PRRC2C: variants seen among roughly 807,000 people sequenced by gnomAD.
PRRC2C encodes the protein protein PRRC2C.
PRRC2C carries 72 observed loss-of-function variants against 317.2 expected under a neutral mutation model. That is an observed-to-expected ratio of 0.23 (90% confidence interval 0.19 to 0.28). The LOEUF is 0.28. Ranked by LOEUF, PRRC2C falls within the 10% of genes least tolerant of loss-of-function variation. The pLI, the probability that PRRC2C is intolerant of heterozygous loss-of-function variation, is 1.00. For synonymous variants in PRRC2C, 1,296 were observed against 1,205.9 expected (o/e 1.07, Z -1.55); for missense variants, 3,074 against 3,459.7 (o/e 0.89, Z 2.80).
At chr1:171,569,602 T>C (rs1362254057) in intron 23 of PRRC2C, among the ~76,000 whole-genome samples, 2 of 43,428 alleles carry the variant, frequency 4.6e-5, no homozygotes, top group Admixed American at 4.6e-4. Flanking sequence ...ATGGTTTTTT[T>C]TTTCTTTTTT....
At position 171,515,452 on chromosome 1, in the gene PRRC2C, A is replaced by C. The variant is rs1477378638; in HGVS notation, c.401-282A>C. Among the ~76,000 whole-genome samples, 3 of 152,358 alleles carry C rather than the reference A, an allele frequency of 2.0e-5. No individual in the cohort carries two copies. The South Asian group carries it at 6.2e-4, about 32-fold the overall frequency. On this transcript the variant is annotated intron_variant, in intron 4 of 34. Transcript: ENST00000647382. ...ATGTGTATTGAAAATGTAAGGAGTC[A>C]TAATGAAAGAGAAACAAGCTCTTCA...
intron 1 of PRRC2C, among the ~76,000 whole-genome samples, chr1:171,508,782 ACTCTTTGGGC>A (rs1299058876): frequency 1.3e-5 from 2 of 151,718 alleles, no homozygotes; most frequent in Non-Finnish European, 2.9e-5. Flanking sequence ...TCAAAGCTTT[ACTCTTTGGGC>A]TGCTTTGATT....
At chr1:171,579,312 T>G in intron 26 of PRRC2C, 42 bp from the exon 27 acceptor site, 1 of 1,539,876 alleles carries the variant, frequency 6.5e-7, no homozygotes, top group Non-Finnish European at 8.8e-7. Flanking sequence ...AATTCTGAAA[T>G]TAGGACACTT....
intron 24 of PRRC2C, among the ~76,000 whole-genome samples, chr1:171,573,103 A>G (rs576170221): frequency 6.6e-6 from 1 of 152,354 alleles, no homozygotes; most frequent in Non-Finnish European, 1.5e-5. Context: ...AAAGTGTATG[A>G]GAAAAAATAT....
rs371402920 is a variant in PRRC2C at position 171,544,343 on chromosome 1, C to T, written c.4764-1136C>T. Among the ~76,000 whole-genome samples, 7 of 152,190 alleles carry T rather than the reference C, an allele frequency of 4.6e-5. No homozygotes were observed. In the South Asian group the frequency reaches 6.2e-4, roughly 14 times the overall value. On this transcript the variant is annotated intron_variant, in intron 16 of 34. Coordinates refer to ENST00000647382, the MANE Select transcript of PRRC2C (RefSeq NM_001387844.1). ...TTCGCCATGTTTGCCAGGCTGGTCT[C>T]GAACTCCTGACCTCAGGTGATCTGC...
At chr1:171,498,929 G>A (rs1340433578) in intron 1 of PRRC2C, among the ~76,000 whole-genome samples, 2 of 152,182 alleles carry the variant, frequency 1.3e-5, no homozygotes, top group African/African-American at 2.4e-5. Flanking sequence ...AGCCTCCTGA[G>A]TAGCTGGGAC....
Position 171,568,239 on chromosome 1 carries a change from C to A in PRRC2C, c.6559-8C>A. The stretch of plus-strand genomic sequence containing the variant: ...AAAATGTATTTTTTTTCTATTACTA[C>A]TTCACAGGAGTCTGTAACAGACTAT... On this transcript the variant is annotated splice_region_variant and splice_polypyrimidine_tract_variant and intron_variant, in intron 22 of 34. Transcript: ENST00000647382. The A allele has an allele frequency of 3.8e-6, 6 of 1,591,560 alleles. No homozygotes were observed. The highest frequency in any genetic ancestry group is 5.1e-6 in the Non-Finnish European group (6 of 1,168,812).
Position 171,544,537 on chromosome 1 carries a change from A to G in PRRC2C, c.4764-942A>G, listed in dbSNP as rs1001175859. 7.2e-5 allele frequency among the ~76,000 whole-genome samples: 11 copies of G among 152,348 alleles called. No homozygotes were observed. The East Asian group carries it at 9.6e-4, about 13-fold the overall frequency. On this transcript the variant is annotated intron_variant, in intron 16 of 34. Coordinates refer to ENST00000647382, the MANE Select transcript of PRRC2C (RefSeq NM_001387844.1). ...ATTTGAACATTCCCTTAAAATTCCA[A>G]GAGAATCAGGATAACCAAAATAAAC... is the stretch of plus-strand genomic sequence containing the variant.
intron 12 of PRRC2C, among the ~76,000 whole-genome samples, chr1:171,533,391 G>C (rs1360911380): frequency 1.3e-5 from 2 of 152,138 alleles, no homozygotes; most frequent in African/African-American, 4.8e-5. Context: ...CAGGTTTGCT[G>C]TTTAATCAGT....
rs777856138 is a variant in PRRC2C at position 171,558,009 on chromosome 1, A to C, written c.5897A>C (p.Gln1966Pro). 6.2e-7 allele frequency: 1 copy of C among 1,614,022 alleles called. No individual in the cohort carries two copies. The highest frequency in any genetic ancestry group is 1.1e-5 in the South Asian group (1 of 91,086). Residue 1966 changes from glutamine to proline, a missense_variant, in exon 19 of 35, where the codon CAA becomes CCA. Coordinates refer to ENST00000647382, the MANE Select transcript of PRRC2C (RefSeq NM_001387844.1). ...PPPSIRLPSA[Q>P]TPNGTDYVAS... ...CCATCAATTAGGCTGCCTTCAGCTC[A>C]AACACCTAATGGCACAGATTATGTA... is the stretch of plus-strand genomic sequence containing the variant.
At position 171,571,350 on chromosome 1, in the gene PRRC2C, A is replaced by G. The variant is rs1357057322; in HGVS notation, c.6682A>G (p.Lys2228Glu). 3 of 1,611,238 alleles carry G rather than the reference A, an allele frequency of 1.9e-6. No individual in the cohort carries two copies. Among genetic ancestry groups the G allele is most frequent in the Non-Finnish European group, 2.5e-6 (3 of 1,177,584 alleles). ...CCTGCCCAACACCCTTCCCCTCCCT[A>G]AGAGGGAGACTATACAACAGAGCTC... ...VPLPNTLPLP[K>E]RETIQQSSSL... The change falls in exon 24 of 35, where the codon AAG (lysine) becomes GAG (glutamate). Residue 2228 changes from lysine to glutamate, a missense_variant. Around this residue, in one of 11 missense-constraint regions of PRRC2C, gnomAD observed 640 missense variants for 676.1 expected, o/e 0.95. Transcript: ENST00000647382.
rs1367266383 is a variant in PRRC2C, at chr1:171,581,406, G to A, written c.7409+1442G>A. Reference sequence around the variant, plus strand: ...AAGAGTACAGTGATTAATTAGTAATGTTTTCCACAGGCCGTGGGAGGTGGA... The same window carrying A: ...AAGAGTACAGTGATTAATTAGTAATATTTTCCACAGGCCGTGGGAGGTGGA... On this transcript the variant is annotated intron_variant, in intron 28 of 34. Coordinates refer to ENST00000647382, the MANE Select transcript of PRRC2C (RefSeq NM_001387844.1). 3.3e-5 allele frequency among the ~76,000 whole-genome samples: 5 copies of A among 152,134 alleles called. No individual in the cohort carries two copies. In the South Asian group the frequency reaches 8.3e-4, roughly 25 times the overall value.
chr1:171,507,167 G>C (rs1255157673), intron 1 of PRRC2C, among the ~76,000 whole-genome samples: 1 of 152,096 alleles, frequency 6.6e-6, no homozygotes, highest in African/African-American at 2.4e-5. Flanking sequence ...AACCGAGGTG[G>C]GAGGATCACT....
rs1677707885 is a variant in PRRC2C, at chr1:171,540,197, G to A, written c.2731G>A (p.Glu911Lys). ...TCAAAAGACCTTATCCGCTCCTCAA[G>A]AGGAGCGGATTTCAGCTGTAGAAAG... ...PDQKTLSAPQ[E>K]ERISAVESQP... is the part of the protein sequence containing the mutation. The change falls in exon 16 of 35, where the codon GAG (glutamate) becomes AAG (lysine). Residue 911 changes from glutamate to lysine, a missense_variant. Glu to Lys is a moderately conservative substitution (Grantham distance 56). Coordinates refer to ENST00000647382, the MANE Select transcript of PRRC2C (RefSeq NM_001387844.1). 6.2e-7 allele frequency: 1 copy of A among 1,613,906 alleles called. No individual in the cohort carries two copies. The highest frequency in any genetic ancestry group is 8.5e-7 in the Non-Finnish European group (1 of 1,179,868).
intron 1 of PRRC2C, among the ~76,000 whole-genome samples, chr1:171,507,197 A>G (rs1468264871): frequency 1.3e-5 from 2 of 152,184 alleles, no homozygotes; most frequent in Admixed American, 6.5e-5. Context: ...CTTGGGCAAC[A>G]TAGTGAGACT....
Position 171,592,130 on chromosome 1 carries a change from A to C in PRRC2C, c.*283A>C. On this transcript the variant is annotated 3_prime_UTR_variant, in exon 35 of 35. Coordinates refer to ENST00000647382, the MANE Select transcript of PRRC2C (RefSeq NM_001387844.1). ...ATAAATGTATGCACCCATTTTTTTG[A>C]GTGCATATAATTTAGACCTAAAAAT... 3.3e-6 allele frequency: 1 copy of C among 300,660 alleles called. No individual in the cohort carries two copies. The highest frequency in any genetic ancestry group is 6.1e-6 in the Non-Finnish European group (1 of 163,890). 18.6% of individuals were successfully genotyped at this position (300,660 alleles called of 1,614,324 possible).
At chr1:171,515,991 C>A in intron 5 of PRRC2C, 132 bp downstream of exon 5, 1 of 959,606 alleles carries the variant, frequency 1.0e-6, no homozygotes. Flanking sequence ...TAGTCACTTG[C>A]TACTCAGGTA....
chr1:171,495,387 G>A (rs1254797680), intron 1 of PRRC2C, among the ~76,000 whole-genome samples: 2 of 152,030 alleles, frequency 1.3e-5, no homozygotes, highest in East Asian at 3.8e-4. Flanking sequence ...GAATACATTG[G>A]TACTCCTTCA....
At chr1:171,563,034 A>G (rs1558010275) in intron 20 of PRRC2C, among the ~76,000 whole-genome samples, 1 of 152,308 alleles carries the variant, frequency 6.6e-6, no homozygotes, top group East Asian at 1.9e-4. Flanking sequence ...TGGTAGGTCA[A>G]GTAATATAGG....
Sources: gnomAD v4.1 joint callset for allele counts (sites outside exome capture counted in the v4.1 genomes callset) on GRCh38, gnomAD v4.1.1 for gene constraint, gnomAD v4.1.1 regional missense constraint, MANE v1.5 for transcripts, NCBI Gene and HGNC (gene_info 2026-07-23, HGNC 2026-07-21) for gene names.